Variants in FCRL5 observed in about 807,000 individuals in gnomAD.
The protein encoded by FCRL5 is Fc receptor-like protein 5.
A neutral mutation model predicts 92.1 loss-of-function variants in FCRL5; 79 were observed. The observed-to-expected ratio is 0.86, with a 90% CI of 0.72 to 1.03. FCRL5 has a LOEUF of 1.03. Among genes scored for constraint, FCRL5 ranks in the 50% least tolerant of loss-of-function variants. The pLI, the probability that FCRL5 is intolerant of heterozygous loss-of-function variation, is 0.00. For synonymous variants in FCRL5, 466 were observed against 469.3 expected (o/e 0.99, Z 0.09); for missense variants, 1,160 against 1,181.1 (o/e 0.98, Z 0.26).
At chr1:157,523,282 G>A (rs536750915) in intron 10 of FCRL5, among the ~76,000 whole-genome samples, 1 of 152,334 alleles carries the variant, frequency 6.6e-6, no homozygotes, top group Admixed American at 6.5e-5. Flanking sequence ...TCCAGGGGCA[G>A]GTACAACCTG....
intron 2 of FCRL5, 145 bp from the exon 3 acceptor site, chr1:157,547,342 T>C (rs751754908): frequency 9.3e-5 from 97 of 1,043,314 alleles, no homozygotes; most frequent in Non-Finnish European, 1.3e-4. Context: ...CAAAGCTCCC[T>C]GTCAGCCAGT....
chr1:157,516,239 G>C (rs1282941556), intron 15 of FCRL5, among the ~76,000 whole-genome samples: 2 of 152,234 alleles, frequency 1.3e-5, no homozygotes, highest in African/African-American at 4.8e-5. Context: ...TCAGGGTCTA[G>C]ACCACCTGAA....
intron 3 of FCRL5, among the ~76,000 whole-genome samples, 172 bp downstream of exon 3, chr1:157,546,771 C>A (rs74542117): frequency 0.013 from 2,010 of 152,280 alleles, 37 homozygotes; most frequent in African/African-American, 0.046. Flanking sequence ...AAGCAGCTAA[C>A]CCCATTCCCT....
intron 3 of FCRL5, 49 bp downstream of exon 3, chr1:157,546,894 A>G (rs772105450): frequency 1.3e-5 from 20 of 1,588,532 alleles, no homozygotes; most frequent in African/African-American, 2.7e-5. Flanking sequence ...AGAGAGAAAC[A>G]TGGGCTGAAT....
chr1:157,531,305 A>G (rs939335425), intron 8 of FCRL5, among the ~76,000 whole-genome samples: 1 of 152,226 alleles, frequency 6.6e-6, no homozygotes, highest in Non-Finnish European at 1.5e-5. Flanking sequence ...ACTGTTATCA[A>G]AAAGTCAGAA....
At chr1:157,516,779 A>C (rs1649953371) in intron 15 of FCRL5, among the ~76,000 whole-genome samples, 1 of 152,222 alleles carries the variant, frequency 6.6e-6, no homozygotes, top group African/African-American at 2.4e-5. Context: ...GAATTGCATG[A>C]AGAAGCAGAG....
rs528887783 is a variant in FCRL5, at chr1:157,541,620, C to T, written c.1123+1239G>A. On this transcript the variant is annotated intron_variant, in intron 6 of 16. Coordinates refer to ENST00000361835, the MANE Select transcript of FCRL5 (RefSeq NM_031281.3). ...GTCTCAACTCACACATGAGTTCTTC[C>T]AAGAAATTTTTTCTCACTTCCCAAC... Among the ~76,000 whole-genome samples the T allele has an allele frequency of 2.6e-5, 4 of 152,334 alleles. No individual in the cohort carries two copies. The East Asian group carries it at 5.8e-4, about 22-fold the overall frequency.
In FCRL5 at chr1:157,525,382, T is replaced by G. The variant is rs1327641683; in HGVS notation, c.1961-825A>C. Reference sequence around the variant, plus strand: ...GGGAATAAGACTGGCACATTTGAATTTTTGAAATAAAGTAGCATCACACTG... The same window carrying G: ...GGGAATAAGACTGGCACATTTGAATGTTTGAAATAAAGTAGCATCACACTG... On this transcript the variant is annotated intron_variant, in intron 9 of 16. Coordinates refer to ENST00000361835, the MANE Select transcript of FCRL5 (RefSeq NM_031281.3). Among the ~76,000 whole-genome samples the G allele has an allele frequency of 2.0e-5, 3 of 152,162 alleles. No homozygotes were observed. The East Asian group carries it at 5.8e-4, about 29-fold the overall frequency.
intron 8 of FCRL5, among the ~76,000 whole-genome samples, chr1:157,528,841 C>G (rs1417439760): frequency 6.6e-6 from 1 of 152,194 alleles, no homozygotes. Flanking sequence ...AATCTGAGAC[C>G]TAAAACCATA....
intron 6 of FCRL5, chr1:157,541,677 CA>C (rs1283840285): frequency 3.3e-5 from 5 of 152,266 alleles, no homozygotes; most frequent in African/African-American, 1.2e-4. Context: ...TCTGCTCCTG[CA>C]GCCACCAGGT....
rs768756619 is a variant in FCRL5, at chr1:157,543,072, C to T, written c.910G>A (p.Val304Met). Reference protein sequence around the residue: ...EKALNFEGTKVTLHCETQEDS... With the variant: ...EKALNFEGTKMTLHCETQEDS... The stretch of plus-strand genomic sequence containing the variant: ...TCCTGGGTTTCACAGTGAAGTGTCA[C>T]CTTGGTTCCCTCAAAATTCAGAGCC... Residue 304 changes from valine to methionine, a missense_variant, in exon 6 of 17, where the codon GTG becomes ATG. Transcript: ENST00000361835. 3 of 1,614,212 alleles carry T rather than the reference C, an allele frequency of 1.9e-6. No individual in the cohort carries two copies. Among genetic ancestry groups the T allele is most frequent in the South Asian group, 2.2e-5 (2 of 91,080 alleles).
At chr1:157,538,966 T>C in intron 7 of FCRL5, 120 bp downstream of exon 7, 2 of 1,081,904 alleles carry the variant, frequency 1.8e-6, no homozygotes, top group East Asian at 2.5e-5. Flanking sequence ...TGGAGGAGGA[T>C]ATTAGGTTGT....
chr1:157,552,325 T>C lies in FCRL5; in HGVS notation c.31+7A>G. On this transcript the variant is annotated splice_region_variant and intron_variant, in intron 1 of 16. Transcript: ENST00000361835. ...ACCCAGGGCCCATGGTGAGCCCTTT[T>C]ACTCACCCAGGACCAGTAATATCAC... 2 of 1,613,958 alleles carry C rather than the reference T, an allele frequency of 1.2e-6. No individual in the cohort carries two copies. Among genetic ancestry groups the C allele is most frequent in the Non-Finnish European group, 1.7e-6 (2 of 1,179,900 alleles).
intron 4 of FCRL5, 110 bp from the exon 5 acceptor site, chr1:157,544,656 A>G: frequency 1.4e-6 from 2 of 1,437,166 alleles, no homozygotes; most frequent in Non-Finnish European, 1.9e-6. Context: ...AAGGAATGCC[A>G]TTGATCCCTA....
rs770459551 is a variant in FCRL5 at position 157,527,589 on chromosome 1, T to C, written c.1960+28A>G. 4.5e-6 allele frequency: 7 copies of C among 1,543,082 alleles called. No individual in the cohort carries two copies. In the South Asian group the frequency reaches 9.0e-5, roughly 20 times the overall value. On this transcript the variant is annotated intron_variant, in intron 9 of 16. Coordinates refer to ENST00000361835, the MANE Select transcript of FCRL5 (RefSeq NM_031281.3). ...AAGTTAGGGGAGATGGTCTTTTTAT[T>C]TTTGTGCTGCTGGTTAGGTCAACTT... is the stretch of plus-strand genomic sequence containing the variant.
rs1472941680 is a variant in FCRL5 at position 157,542,825 on chromosome 1, A to G, written c.1123+34T>C. On this transcript the variant is annotated intron_variant, in intron 6 of 16. Transcript: ENST00000361835. ...GCAGGGTGAGGCAGGACTCTTGGCC[A>G]GGGGTGGGTGATTGGCAGGAATGCA... The G allele has an allele frequency of 2.5e-6, 4 of 1,593,412 alleles. No individual in the cohort carries two copies. The East Asian group carries it at 6.7e-5, about 27-fold the overall frequency.
intron 8 of FCRL5, 98 bp from the exon 9 acceptor site, chr1:157,527,993 A>G (rs1650515595): frequency 7.5e-7 from 1 of 1,336,112 alleles, no homozygotes; most frequent in Non-Finnish European, 1.0e-6. Flanking sequence ...GAAATAAAGG[A>G]CATCCAAATT....
At position 157,521,232 on chromosome 1, in the gene FCRL5, TC is replaced by T; in HGVS notation, c.2299del (p.Asp767ThrfsTer10). The T allele has an allele frequency of 6.2e-7, 1 of 1,613,470 alleles. No homozygotes were observed. The highest frequency in any genetic ancestry group is 8.5e-7 in the Non-Finnish European group (1 of 1,179,886). ...GGCCTCACAGTGAAGCTCCAGCAGG[TC>T]CCCCACCGCAGCATGGGTCCCGGGA... ...RAPGTHAAVG[D>X]LLELHCEALR... On this transcript the variant is annotated frameshift_variant, in exon 11 of 17. Coordinates refer to ENST00000361835, the MANE Select transcript of FCRL5 (RefSeq NM_031281.3). LOFTEE classifies it high-confidence loss of function.
At chr1:157,528,566 A>G (rs920479337) in intron 8 of FCRL5, 1 of 152,266 alleles carries the variant, frequency 6.6e-6, no homozygotes, top group Non-Finnish European at 1.5e-5. Context: ...TTTGAACGAT[A>G]CTACAAGGCT....
Sources: gnomAD v4.1 joint callset for allele counts (sites outside exome capture counted in the v4.1 genomes callset) on GRCh38, gnomAD v4.1.1 for gene constraint, MANE v1.5 for transcripts, NCBI Gene and HGNC (gene_info 2026-07-23, HGNC 2026-07-21) for gene names.